NAALADL2: variants seen among roughly 807,000 people sequenced by gnomAD.
The protein encoded by NAALADL2 is inactive N-acetylated-alpha-linked acidic dipeptidase-like protein 2.
Under a neutral mutation model 87.2 loss-of-function variants are expected in NAALADL2, and 76 were observed. The observed-to-expected ratio is 0.87, with a 90% CI of 0.72 to 1.05. The LOEUF (loss-of-function observed/expected upper bound fraction) is 1.05, where lower values mean the gene tolerates loss of function less well. Among genes scored for constraint, NAALADL2 ranks in the 50% least tolerant of loss-of-function variants. The pLI is 0.00. For synonymous variants in NAALADL2, 354 were observed against 331.0 expected (o/e 1.07, Z -0.75); for missense variants, 1,089 against 945.8 (o/e 1.15, Z -1.99).
At chr3:174,507,170 A>G (rs1447628365) in intron 1 of NAALADL2, among the ~76,000 whole-genome samples, 4 of 152,148 alleles carry the variant, frequency 2.6e-5, no homozygotes, top group African/African-American at 9.7e-5. Context: ...ATTTATTCTT[A>G]TATATGATTT....
At chr3:174,901,357 C>A (rs1034272459) in intron 1 of NAALADL2, among the ~76,000 whole-genome samples, 16 of 152,230 alleles carry the variant, frequency 1.1e-4, no homozygotes, top group Admixed American at 9.8e-4. Flanking sequence ...AGCCCTGTCT[C>A]TATGGGCAAT....
intron 2 of NAALADL2, among the ~76,000 whole-genome samples, chr3:174,582,219 G>C (rs1195407949): frequency 6.6e-6 from 1 of 152,136 alleles, no homozygotes; most frequent in Non-Finnish European, 1.5e-5. Flanking sequence ...TGGAATACTG[G>C]AGAACCAAAG....
chr3:174,906,969 T>G (rs1271808997), intron 1 of NAALADL2, among the ~76,000 whole-genome samples: 1 of 152,094 alleles, frequency 6.6e-6, no homozygotes, highest in East Asian at 1.9e-4. Flanking sequence ...ATTAAATTAC[T>G]TCAAATCCTT....
In NAALADL2 at chr3:175,013,128, T is replaced by A. The variant is rs1247746325; in HGVS notation, c.44-83662T>A. Among the ~76,000 whole-genome samples the A allele has an allele frequency of 3.4e-5, 3 of 89,060 alleles. 1 individual carries two copies. The highest frequency in any genetic ancestry group is 2.4e-4 in the Admixed American group (2 of 8,314). 58.4% of individuals were successfully genotyped at this position (89,060 alleles called of 152,430 possible). A position where few individuals can be genotyped will look rare whatever the true frequency, so the allele number is the denominator to read the frequency against. Reference sequence around the variant, plus strand: ...CATATTTATATATAAATATACATATTTATATATAAATATGTAATACATATT... The same window carrying A: ...CATATTTATATATAAATATACATATATATATATAAATATGTAATACATATT... On this transcript the variant is annotated intron_variant, in intron 1 of 13. Transcript: ENST00000454872.
chr3:174,453,824 C>T (rs1005679080), intron 1 of NAALADL2, among the ~76,000 whole-genome samples: 1 of 152,010 alleles, frequency 6.6e-6, no homozygotes, highest in Non-Finnish European at 1.5e-5. Context: ...GGACACAAAC[C>T]AACAACACTA....
chr3:175,777,935 A>G (rs1750479331), intron 13 of NAALADL2, among the ~76,000 whole-genome samples: 1 of 152,184 alleles, frequency 6.6e-6, no homozygotes, highest in Admixed American at 6.6e-5. Flanking sequence ...CCTACTGATG[A>G]ACTTCAAGAC....
At chr3:175,660,548 T>C (rs151213084) in intron 11 of NAALADL2, among the ~76,000 whole-genome samples, 278 of 152,270 alleles carry the variant, frequency 1.8e-3, no homozygotes, top group African/African-American at 6.5e-3. Context: ...TTTTGAAATA[T>C]GTAATAAATT....
In NAALADL2 at chr3:175,290,965, A is replaced by G. The variant is rs145570393; in HGVS notation, c.940-33210A>G. Among the ~76,000 whole-genome samples, 329 of 152,280 alleles carry G rather than the reference A, an allele frequency of 2.2e-3. 2 individuals carry two copies. Among genetic ancestry groups the G allele is most frequent in the African/African-American group, 7.4e-3 (308 of 41,566 alleles). On this transcript the variant is annotated intron_variant, in intron 4 of 13. Transcript: ENST00000454872. ...ATAACTTTACTAGAGAAGTAACAAT[A>G]TAAATTTCCTTGGGCAATGGTGCTA...
chr3:175,156,405 T>A (rs1330706640), intron 2 of NAALADL2, among the ~76,000 whole-genome samples: 2 of 152,164 alleles, frequency 1.3e-5, no homozygotes, highest in Non-Finnish European at 2.9e-5. Flanking sequence ...AAATATGTGA[T>A]TAGTGTATAT....
At chr3:175,441,215 A>C (rs1312663709) in intron 5 of NAALADL2, among the ~76,000 whole-genome samples, 1 of 152,196 alleles carries the variant, frequency 6.6e-6, no homozygotes, top group African/African-American at 2.4e-5. Flanking sequence ...ACAAAGTTCC[A>C]AAAAGCAAAA....
chr3:175,272,075 A>G (rs1752920600), intron 4 of NAALADL2, among the ~76,000 whole-genome samples: 1 of 152,196 alleles, frequency 6.6e-6, no homozygotes, highest in African/African-American at 2.4e-5. Flanking sequence ...GAAAACTTCC[A>G]AACAAAAAGT....
At chr3:174,882,654 C>CATATACGCATATGCGCATATGCGT (rs982911445) in intron 1 of NAALADL2, among the ~76,000 whole-genome samples, 1 of 131,818 alleles carries the variant, frequency 7.6e-6, no homozygotes, top group African/African-American at 3.8e-5. Context: ...TGCATATACA[C>CATATACGCATATGCGCATATGCGT]ATATGTGCAT....
At chr3:174,937,857 A>C (rs922829547) in intron 1 of NAALADL2, among the ~76,000 whole-genome samples, 9 of 152,066 alleles carry the variant, frequency 5.9e-5, no homozygotes, top group African/African-American at 2.2e-4. Context: ...GCCATAGACA[A>C]ATATTTATTT....
At chr3:175,197,600 G>T (rs1225384795) in intron 2 of NAALADL2, among the ~76,000 whole-genome samples, 1 of 147,926 alleles carries the variant, frequency 6.8e-6, no homozygotes, top group Non-Finnish European at 1.5e-5. Flanking sequence ...CTGATTTTTT[G>T]TAAGGTTGTC....
chr3:175,755,591 T>A (rs1454299254), intron 13 of NAALADL2, among the ~76,000 whole-genome samples, 173 bp downstream of exon 13: 3 of 152,102 alleles, frequency 2.0e-5, no homozygotes, highest in Non-Finnish European at 4.4e-5. Flanking sequence ...TGCAGAAATA[T>A]AAAATAATGG....
At chr3:175,750,859 T>A (rs1746537255) in intron 12 of NAALADL2, among the ~76,000 whole-genome samples, 1 of 152,164 alleles carries the variant, frequency 6.6e-6, no homozygotes, top group African/African-American at 2.4e-5. Flanking sequence ...AGATTAAAAA[T>A]TTAATCTTCT....
At chr3:175,626,015 A>C (rs1726937225) in intron 10 of NAALADL2, among the ~76,000 whole-genome samples, 1 of 152,032 alleles carries the variant, frequency 6.6e-6, no homozygotes. Context: ...AAAAACATGC[A>C]AAAGGGTTCA....
chr3:174,955,586 A>G (rs983019935), intron 1 of NAALADL2, among the ~76,000 whole-genome samples: 1 of 152,088 alleles, frequency 6.6e-6, no homozygotes, highest in African/African-American at 2.4e-5. Context: ...TGACTCATAC[A>G]TATCTTTGCT....
At chr3:174,710,230 C>CA (rs1730485429) in intron 2 of NAALADL2, among the ~76,000 whole-genome samples, 1 of 136,350 alleles carries the variant, frequency 7.3e-6, no homozygotes, top group Non-Finnish European at 1.6e-5. Context: ...TATGAGCCTC[C>CA]TTTTTTTTTT....
Sources: gnomAD v4.1 joint callset for allele counts (sites outside exome capture counted in the v4.1 genomes callset) on GRCh38, gnomAD v4.1.1 for gene constraint, MANE v1.5 for transcripts, NCBI Gene and HGNC (gene_info 2026-07-23, HGNC 2026-07-21) for gene names.